The following SGCZ variants were observed in gnomAD, a reference collection of about 807,000 sequenced individuals.
SGCZ encodes zeta-sarcoglycan.
In SGCZ, 40 loss-of-function variants were observed where a neutral mutation model predicts 41.3. The observed-to-expected ratio is 0.97, with a 90% confidence interval of 0.75 to 1.26. The LOEUF (loss-of-function observed/expected upper bound fraction) is 1.26. Ranked by LOEUF, SGCZ falls within the 50% of genes most tolerant of loss-of-function variation. The pLI, the probability that SGCZ is intolerant of heterozygous loss-of-function variation, is 0.00. For missense variants in SGCZ, 552 were observed against 369.8 expected, an observed-to-expected ratio of 1.49 and a Z score of -4.04; for synonymous variants, 206 against 137.5, an observed-to-expected ratio of 1.50 and a Z score of -3.49.
At chr8:15,168,722 T>C (rs143785847) in intron 1 of SGCZ, among the ~76,000 whole-genome samples, 2 of 152,342 alleles carry the variant, frequency 1.3e-5, no homozygotes, top group East Asian at 3.9e-4. Flanking sequence ...GGGACTCCTT[T>C]GAAAAGTGCT....
At chr8:14,929,250 C>G (rs557355951) in intron 1 of SGCZ, among the ~76,000 whole-genome samples, 8 of 152,280 alleles carry the variant, frequency 5.3e-5, no homozygotes, top group African/African-American at 1.9e-4. Context: ...CTCGGCCTCC[C>G]AAAGTACTGG....
chr8:14,184,098 T>C (rs905888153), intron 4 of SGCZ, among the ~76,000 whole-genome samples: 1 of 152,200 alleles, frequency 6.6e-6, no homozygotes, highest in Non-Finnish European at 1.5e-5. Flanking sequence ...CATTTTCATA[T>C]AATGTAAATT....
chr8:14,629,591 G>C (rs1010347844), intron 1 of SGCZ, among the ~76,000 whole-genome samples: 5 of 152,064 alleles, frequency 3.3e-5, no homozygotes, highest in African/African-American at 9.7e-5. Context: ...CCACTGGAAA[G>C]TGACTTGTTG....
At chr8:14,936,244 A>G (rs1263349491) in intron 1 of SGCZ, among the ~76,000 whole-genome samples, 3 of 151,902 alleles carry the variant, frequency 2.0e-5, no homozygotes, top group African/African-American at 4.8e-5. Flanking sequence ...TTGACTTACA[A>G]TGGGGTTACA....
intron 2 of SGCZ, among the ~76,000 whole-genome samples, chr8:14,518,066 T>C (rs1195020764): frequency 6.6e-6 from 1 of 151,908 alleles, no homozygotes; most frequent in East Asian, 1.9e-4. Context: ...GCAATAAGGT[T>C]ATTGTTAATG....
At chr8:14,649,135 AAGAGGATAT>A (rs1431001323) in intron 1 of SGCZ, among the ~76,000 whole-genome samples, 4 of 152,160 alleles carry the variant, frequency 2.6e-5, no homozygotes, top group African/African-American at 9.7e-5. Flanking sequence ...GATATTTCCA[AAGAGGATAT>A]TAGAAAATTG....
At chr8:14,727,331 A>G (rs1332757618) in intron 1 of SGCZ, among the ~76,000 whole-genome samples, 5 of 152,160 alleles carry the variant, frequency 3.3e-5, no homozygotes, top group Non-Finnish European at 1.5e-5. Context: ...TCACCGTACC[A>G]ACTACTAAAG....
intron 1 of SGCZ, among the ~76,000 whole-genome samples, chr8:14,696,778 C>T (rs569696671): frequency 1.3e-5 from 2 of 151,558 alleles, no homozygotes; most frequent in East Asian, 1.9e-4. Flanking sequence ...GTCTGTTTGC[C>T]AAAAGGGGGA....
At chr8:14,223,151 T>C (rs1349215153) in intron 4 of SGCZ, among the ~76,000 whole-genome samples, 1 of 152,116 alleles carries the variant, frequency 6.6e-6, no homozygotes, top group Non-Finnish European at 1.5e-5. Context: ...TTACATCGAA[T>C]TATCACAGAT....
intron 1 of SGCZ, among the ~76,000 whole-genome samples, chr8:15,112,555 G>A (rs1368108387): frequency 6.6e-6 from 1 of 152,190 alleles, no homozygotes; most frequent in Non-Finnish European, 1.5e-5. Flanking sequence ...ACAAAAATAA[G>A]TGGAAAAGTA....
chr8:14,812,505 G>A (rs1050021331), intron 1 of SGCZ, among the ~76,000 whole-genome samples: 2 of 152,092 alleles, frequency 1.3e-5, no homozygotes, highest in African/African-American at 4.8e-5. Flanking sequence ...CATCACACGT[G>A]AACATTTCAG....
At chr8:14,288,238 G>C (rs1800709306) in intron 3 of SGCZ, among the ~76,000 whole-genome samples, 1 of 151,990 alleles carries the variant, frequency 6.6e-6, no homozygotes, top group African/African-American at 2.4e-5. Flanking sequence ...AATTAATTTA[G>C]CTTTGTATTA....
chr8:14,403,135 A>AT (rs1451744089), intron 2 of SGCZ, among the ~76,000 whole-genome samples: 1 of 149,936 alleles, frequency 6.7e-6, no homozygotes, highest in East Asian at 1.9e-4. Context: ...TTGTACATTG[A>AT]TTTTGTATCC....
At chr8:14,265,663 C>T (rs556734699) in intron 3 of SGCZ, among the ~76,000 whole-genome samples, 1 of 151,262 alleles carries the variant, frequency 6.6e-6, no homozygotes, top group Non-Finnish European at 1.5e-5. Flanking sequence ...CAAACTGCAC[C>T]CTTTGTTTCC....
Position 14,087,155 on chromosome 8 carries a change from T to TA in SGCZ, c.*3287dup, listed in dbSNP as rs1476339394. Among the ~76,000 whole-genome samples the TA allele has an allele frequency of 1.8e-4, 28 of 151,754 alleles. No homozygotes were observed. Among genetic ancestry groups the TA allele is most frequent in the Admixed American group, 3.3e-4 (5 of 15,178 alleles). ...TTAGATAAATAATTATGTGCCAAAT[T>TA]ATAAAACATATCATTCACAATAAAA... is the stretch of plus-strand genomic sequence containing the variant. On this transcript the variant is annotated 3_prime_UTR_variant, in exon 8 of 8. Transcript: ENST00000382080.
chr8:14,756,424 A>T (rs1345998782), intron 1 of SGCZ, among the ~76,000 whole-genome samples: 11 of 152,148 alleles, frequency 7.2e-5, no homozygotes, highest in African/African-American at 2.4e-4. Flanking sequence ...ACCTCAGGTG[A>T]TCCGCCCATC....
At chr8:15,030,765 G>A (rs1349058313) in intron 1 of SGCZ, among the ~76,000 whole-genome samples, 1 of 152,122 alleles carries the variant, frequency 6.6e-6, no homozygotes, top group Non-Finnish European at 1.5e-5. Flanking sequence ...TACGGCGGAG[G>A]TAACCCACAA....
intron 7 of SGCZ, among the ~76,000 whole-genome samples, chr8:14,092,249 C>G (rs942241037): frequency 6.6e-6 from 1 of 151,794 alleles, no homozygotes; most frequent in Non-Finnish European, 1.5e-5. Flanking sequence ...AATCAGGTAG[C>G]GTGATGCCTC....
chr8:15,217,643 T>C (rs1801455614), intron 1 of SGCZ, among the ~76,000 whole-genome samples: 2 of 152,176 alleles, frequency 1.3e-5, no homozygotes, highest in Non-Finnish European at 2.9e-5. Context: ...TTTTCTTTGT[T>C]TTCCTGACTT....
Sources: allele counts gnomAD v4.1 joint callset (sites outside exome capture counted in the v4.1 genomes callset), GRCh38; gene constraint gnomAD v4.1.1; transcripts MANE v1.5; gene names NCBI Gene and HGNC (gene_info 2026-07-23, HGNC 2026-07-21).